C12orf42: variants seen among roughly 807,000 people sequenced by gnomAD.
The protein encoded by C12orf42 is uncharacterized protein C12orf42.
C12orf42 carries 25 observed loss-of-function variants against 21.6 expected under a neutral mutation model. That is an observed-to-expected ratio of 1.16 (90% CI 0.84 to 1.62). The LOEUF (loss-of-function observed/expected upper bound fraction) is 1.62, where lower values mean the gene tolerates loss of function less well. Among genes scored for constraint, C12orf42 ranks in the 40% most tolerant of loss-of-function variants. C12orf42 has a pLI of 0.00. For missense variants in C12orf42, 483 were observed against 459.3 expected (o/e 1.05, Z -0.47); for synonymous variants, 174 against 175.0 (o/e 0.99, Z 0.05).
At chr12:103,430,342 G>A (rs1950173770) in intron 2 of C12orf42, among the ~76,000 whole-genome samples, 1 of 152,174 alleles carries the variant, frequency 6.6e-6, no homozygotes, top group African/African-American at 2.4e-5. Flanking sequence ...CATCTATGCG[G>A]CCAACAATCT....
chr12:103,294,622 AAGAAAGAAAGAAAG>A (rs2037117088), intron 4 of C12orf42, among the ~76,000 whole-genome samples: 1 of 139,490 alleles, frequency 7.2e-6, no homozygotes, highest in Non-Finnish European at 1.5e-5. Context: ...GAAAGAAAGA[AAGAAAGAAAGAAAG>A]AAGGAAAAGA....
chr12:103,220,333 T>C, the C12orf42 span, among the ~76,000 whole-genome samples: 70,925 of 151,776 alleles, frequency 0.47, 16,912 homozygotes, highest in East Asian at 0.59. Flanking sequence ...CACCATGGCA[T>C]GTGTATACGT....
At chr12:103,507,110 AATATATATTT>A in the C12orf42 span, among the ~76,000 whole-genome samples, 3 of 14,920 alleles carry the variant, frequency 2.0e-4, no homozygotes, top group African/African-American at 2.8e-3. Context: ...ATATAATATA[AATATATATTT>A]ATATATAATA....
intron 3 of C12orf42, among the ~76,000 whole-genome samples, chr12:103,375,110 G>C (rs771580800): frequency 4.0e-4 from 61 of 152,156 alleles, no homozygotes; most frequent in Non-Finnish European, 7.9e-4. Context: ...GGATTAGCAA[G>C]ACCTCCATGG....
At chr12:103,546,417 T>A in the C12orf42 span, among the ~76,000 whole-genome samples, 1 of 152,188 alleles carries the variant, frequency 6.6e-6, no homozygotes, top group Non-Finnish European at 1.5e-5. Context: ...TTCTGTTTTT[T>A]AATTATCACT....
intron 3 of C12orf42, among the ~76,000 whole-genome samples, chr12:103,370,977 T>A (rs2045169947): frequency 6.6e-6 from 1 of 152,134 alleles, no homozygotes; most frequent in African/African-American, 2.4e-5. Context: ...ATTTTTATTG[T>A]TTGGATATGA....
intron 4 of C12orf42, among the ~76,000 whole-genome samples, chr12:103,317,816 C>A (rs1593406385): frequency 1.3e-5 from 2 of 152,132 alleles, no homozygotes; most frequent in East Asian, 3.9e-4. Context: ...CAAATATAGG[C>A]CATTTCACAT....
In C12orf42 at chr12:103,321,940, C is replaced by T. The variant is rs1311849599; in HGVS notation, c.260-15595G>A. Among the ~76,000 whole-genome samples the T allele has an allele frequency of 1.7e-4, 26 of 152,080 alleles. No individual in the cohort carries two copies. The South Asian group carries it at 3.3e-3, about 19-fold the overall frequency. On this transcript the variant is annotated intron_variant, in intron 4 of 5. Coordinates refer to ENST00000548883, the MANE Select transcript of C12orf42 (RefSeq NM_198521.5). ...AGATGAGGAGTTAGTGGGTGCAGCA[C>T]ACCAGCGTGGCACATGTATACATAT...
rs551548671 is a variant in C12orf42 at position 103,334,747 on chromosome 12, C to T, written c.260-28402G>A. 6.6e-5 allele frequency among the ~76,000 whole-genome samples: 10 copies of T among 152,268 alleles called. No homozygotes were observed. The East Asian group carries it at 1.9e-3, about 29-fold the overall frequency. ...CAAACTGCCCAAAGAAATCGCTCGG[C>T]CAACTTCCCTTTGCTTCCACGGCTT... On this transcript the variant is annotated intron_variant, in intron 4 of 5. Coordinates refer to ENST00000548883, the MANE Select transcript of C12orf42 (RefSeq NM_198521.5).
At chr12:103,447,454 AC>A (rs1951652207) in intron 2 of C12orf42, among the ~76,000 whole-genome samples, 1 of 151,790 alleles carries the variant, frequency 6.6e-6, no homozygotes, top group East Asian at 1.9e-4. Flanking sequence ...AAATCAGACA[AC>A]AAAAAGAAAT....
At chr12:103,472,838 G>C (rs1953736691) in intron 2 of C12orf42, among the ~76,000 whole-genome samples, 1 of 152,204 alleles carries the variant, frequency 6.6e-6, no homozygotes, top group South Asian at 2.1e-4. Context: ...CTGTACCCAT[G>C]GGGAAGACGG....
intron 4 of C12orf42, among the ~76,000 whole-genome samples, chr12:103,287,685 C>T (rs1593291487): frequency 6.6e-6 from 1 of 150,826 alleles, no homozygotes; most frequent in African/African-American, 2.4e-5. Flanking sequence ...TGCACATGTA[C>T]CCTAAAACTT....
chr12:103,283,399 A>C (rs1327924713), intron 4 of C12orf42, among the ~76,000 whole-genome samples: 2 of 152,186 alleles, frequency 1.3e-5, no homozygotes, highest in Non-Finnish European at 2.9e-5. Flanking sequence ...CTGTGTTCAG[A>C]GCCCATCCCA....
the C12orf42 span, among the ~76,000 whole-genome samples, chr12:103,066,834 G>C: frequency 6.6e-6 from 1 of 152,220 alleles, no homozygotes; most frequent in Non-Finnish European, 1.5e-5. Context: ...ACCAATGGGT[G>C]ACCTCAGCAG....
At chr12:103,312,338 G>C (rs949324517) in intron 4 of C12orf42, among the ~76,000 whole-genome samples, 2 of 152,110 alleles carry the variant, frequency 1.3e-5, no homozygotes, top group Admixed American at 6.5e-5. Context: ...GGATGCAAGT[G>C]GTCATGGTGC....
the C12orf42 span, among the ~76,000 whole-genome samples, chr12:103,221,412 T>C: frequency 6.6e-6 from 1 of 152,260 alleles, no homozygotes; most frequent in Non-Finnish European, 1.5e-5. Context: ...CTGAGTACTG[T>C]GCCAGAATCA....
the C12orf42 span, among the ~76,000 whole-genome samples, chr12:103,547,589 T>C: frequency 6.6e-6 from 1 of 152,186 alleles, no homozygotes; most frequent in Non-Finnish European, 1.5e-5. Flanking sequence ...TGCCTTCAAG[T>C]AGTTTATAAG....
At chr12:103,124,114 G>A in the C12orf42 span, among the ~76,000 whole-genome samples, 2 of 117,618 alleles carry the variant, frequency 1.7e-5, no homozygotes, top group South Asian at 3.0e-4. Flanking sequence ...TCTTTAATTT[G>A]TAGTTTAATT....
chr12:103,344,303 C>T (rs2042423856), intron 4 of C12orf42, among the ~76,000 whole-genome samples: 1 of 152,122 alleles, frequency 6.6e-6, no homozygotes, highest in Admixed American at 6.5e-5. Context: ...AGGACAGCTG[C>T]TGAAATGGTC....
Sources: allele counts gnomAD v4.1 joint callset (sites outside exome capture counted in the v4.1 genomes callset), GRCh38; gene constraint gnomAD v4.1.1; transcripts MANE v1.5; gene names NCBI Gene and HGNC (gene_info 2026-07-23, HGNC 2026-07-21).